Variants in PSG7 observed in about 807,000 individuals in gnomAD.
PSG7 encodes the protein pregnancy specific beta-1-glycoprotein 7, also known as pregnancy-specific beta-1-glycoprotein 7.
In PSG7, 57 loss-of-function variants were observed where a neutral mutation model predicts 45.6. The ratio of observed to expected loss-of-function variants is 1.25; its 90% CI spans 1.01 to 1.56. The LOEUF (loss-of-function observed/expected upper bound fraction) is 1.56. Among genes scored for constraint, PSG7 ranks in the 40% most tolerant of loss-of-function variants. The probability of loss-of-function intolerance (pLI) is 0.00; values close to 1 mark genes in which losing one functional copy is unlikely to be tolerated. For synonymous variants in PSG7, 298 were observed against 194.4 expected, an observed-to-expected ratio of 1.53 and a Z score of -4.43; for missense variants, 796 against 508.4, an observed-to-expected ratio of 1.57 and a Z score of -5.44.
At chr19:42,933,661 T>C (rs1211925712) in intron 2 of PSG7, among the ~76,000 whole-genome samples, 1 of 150,668 alleles carries the variant, frequency 6.6e-6, no homozygotes, top group East Asian at 2.0e-4. Flanking sequence ...GAAGAAGCTG[T>C]GCAGGACAGG....
Position 42,935,652 on chromosome 19 carries a change from T to C in PSG7, c.182A>G (p.Asn61Ser), listed in dbSNP as rs189774968. Reference sequence around the variant, plus strand: ...TTTGTACCAGATGTAGCCAGTAAGATTCTGGGGCAAATTGTGGACAAGTAG... The same window carrying C: ...TTTGTACCAGATGTAGCCAGTAAGACTCTGGGGCAAATTGTGGACAAGTAG... Reference protein sequence around the residue: ...VLLLVHNLPQNLTGYIWYKGQ... With the variant: ...VLLLVHNLPQSLTGYIWYKGQ... The change falls in exon 2 of 6, where the codon AAT becomes AGT. Residue 61 changes from asparagine to serine, a missense_variant. Asn to Ser is a conservative substitution (Grantham distance 46). Coordinates refer to ENST00000406070, the MANE Select transcript of PSG7 (RefSeq NM_002783.3). 6.2e-7 allele frequency: 1 copy of C among 1,612,074 alleles called. No individual in the cohort carries two copies. Among genetic ancestry groups the C allele is most frequent in the East Asian group, 2.2e-5 (1 of 44,772 alleles).
chr19:42,933,441 G>C (rs1175134724), intron 2 of PSG7, among the ~76,000 whole-genome samples: 1 of 147,486 alleles, frequency 6.8e-6, no homozygotes, highest in Admixed American at 6.8e-5. Flanking sequence ...CAAAGTGAAA[G>C]AGCCCTGGAT....
intron 3 of PSG7, among the ~76,000 whole-genome samples, chr19:42,927,822 G>A (rs1287316647): frequency 2.6e-5 from 4 of 151,536 alleles, no homozygotes; most frequent in Non-Finnish European, 5.9e-5. Context: ...AAGATGGGGA[G>A]TTTCTAGAGA....
intron 3 of PSG7, chr19:42,929,074 A>G: frequency 3.1e-6 from 1 of 317,880 alleles, no homozygotes; most frequent in Admixed American, 4.1e-5. Flanking sequence ...CACAGGTGAT[A>G]TTGTCAGAGG....
Position 42,937,038 on chromosome 19 carries a change from T to G in PSG7, c.39A>C (p.Ile13=), listed in dbSNP as rs373960804. 7.5e-4 allele frequency: 1,208 copies of G among 1,611,514 alleles called. 23 individuals are homozygous for G. Among genetic ancestry groups the G allele is most frequent in the Non-Finnish European group, 8.9e-4 (1,045 of 1,178,526 alleles). Reference sequence around the variant, plus strand: ...CTGTGAGCAGGAGCCCTTTCCAGGTTATATGCTGTGTGCAGGGAGGGGCTG... The same window carrying G: ...CTGTGAGCAGGAGCCCTTTCCAGGTGATATGCTGTGTGCAGGGAGGGGCTG... ...PLSAPPCTQH[I]TWKGLLLTAS... is the part of the protein sequence containing the mutation. The change falls in exon 1 of 6, where the codon ATA becomes ATC. Residue 13 remains isoleucine (I), a synonymous_variant. Coordinates refer to ENST00000406070, the MANE Select transcript of PSG7 (RefSeq NM_002783.3).
chr19:42,932,725 C>T (rs1973046731), intron 2 of PSG7, among the ~76,000 whole-genome samples: 1 of 151,464 alleles, frequency 6.6e-6, no homozygotes. Context: ...ATGATAGTTC[C>T]TCCATAAAAC....
intron 3 of PSG7, among the ~76,000 whole-genome samples, chr19:42,928,249 T>A (rs935264405): frequency 5.9e-5 from 9 of 151,628 alleles, no homozygotes; most frequent in Non-Finnish European, 1.3e-4. Flanking sequence ...TTCTCAGTGT[T>A]TTTGTTGTGG....
chr19:42,933,928 A>C (rs1282556464), intron 2 of PSG7, among the ~76,000 whole-genome samples: 1 of 151,368 alleles, frequency 6.6e-6, no homozygotes, highest in Non-Finnish European at 1.5e-5. Flanking sequence ...CAGCCTCCGA[A>C]GGACAAGGGA....
At chr19:42,931,942 T>G (rs1973029366) in intron 2 of PSG7, among the ~76,000 whole-genome samples, 1 of 151,612 alleles carries the variant, frequency 6.6e-6, no homozygotes, top group Non-Finnish European at 1.5e-5. Flanking sequence ...AAGTTTCTAT[T>G]GACACATTCT....
At position 42,931,296 on chromosome 19, in the gene PSG7, G is replaced by A. The variant is rs373157513; in HGVS notation, c.431-1576C>T. 4.9e-4 allele frequency among the ~76,000 whole-genome samples: 75 copies of A among 151,556 alleles called. 2 individuals are homozygous for A. Among genetic ancestry groups the A allele is most frequent in the Non-Finnish European group, 9.3e-4 (63 of 67,900 alleles). On this transcript the variant is annotated intron_variant, in intron 2 of 5. Coordinates refer to ENST00000406070, the MANE Select transcript of PSG7 (RefSeq NM_002783.3). ...GACGAAAATGAGGTTTAGGTGTGCC[G>A]TGAATTCCAGCAGGATCACATTATG... is the stretch of plus-strand genomic sequence containing the variant.
In PSG7 at chr19:42,924,390, AG is replaced by A. The variant is rs2122666126; in HGVS notation, c.*417del. On this transcript the variant is annotated 3_prime_UTR_variant, in exon 6 of 6. Transcript: ENST00000406070. ...ATTTCCTCCTGAGATGTTATGTAAA[AG>A]TCTGAGGTTGAGATGACATATCTGA... 1.1e-5 allele frequency: 5 copies of A among 442,680 alleles called. No individual in the cohort carries two copies. The highest frequency in any genetic ancestry group is 3.8e-5 in the Admixed American group (1 of 26,168). 27.4% of individuals were successfully genotyped at this position (442,680 alleles called of 1,614,324 possible).
At chr19:42,926,262 A>C in intron 4 of PSG7, 176 bp downstream of exon 4, 1 of 1,424,672 alleles carries the variant, frequency 7.0e-7, no homozygotes, top group Non-Finnish European at 9.4e-7. Context: ...TTCTTGGTTA[A>C]GGCTGTGCCT....
At chr19:42,934,491 G>A (rs1275953338) in intron 2 of PSG7, among the ~76,000 whole-genome samples, 1 of 151,574 alleles carries the variant, frequency 6.6e-6, no homozygotes, top group African/African-American at 2.4e-5. Context: ...CTGTGACTCA[G>A]TTTTCTCTCA....
Position 42,935,776 on chromosome 19 carries a change from G to C in PSG7, c.65-7C>G, listed in dbSNP as rs782225134. 4.4e-6 allele frequency: 7 copies of C among 1,605,610 alleles called. 1 individual carries two copies. The South Asian group carries it at 7.8e-5, about 18-fold the overall frequency. On this transcript the variant is annotated splice_region_variant and splice_polypyrimidine_tract_variant and intron_variant, in intron 1 of 5. Coordinates refer to ENST00000406070, the MANE Select transcript of PSG7 (RefSeq NM_002783.3). ...CAGAAGTTTAAAAGTGATGCTAGGA[G>C]GTGGAGAGAGCATCAGTCAATATTG...
At chr19:42,935,191 A>C (rs1973118594) in intron 2 of PSG7, among the ~76,000 whole-genome samples, 1 of 151,898 alleles carries the variant, frequency 6.6e-6, no homozygotes, top group African/African-American at 2.4e-5. Flanking sequence ...CTTCCTCTGC[A>C]GCAAGTTTCT....
chr19:42,926,138 C>A, intron 4 of PSG7, 111 bp from the exon 5 acceptor site: 1 of 1,498,284 alleles, frequency 6.7e-7, no homozygotes, highest in Non-Finnish European at 9.0e-7. Flanking sequence ...CCTCAAGTGA[C>A]AGCCAAATCC....
chr19:42,925,493 T>C (rs1600560576), intron 5 of PSG7: 2 of 890,330 alleles, frequency 2.2e-6, no homozygotes, highest in Admixed American at 6.7e-5. Context: ...TATTTTCAAA[T>C]AAAAATCATA....
At chr19:42,931,878 G>A (rs978771155) in intron 2 of PSG7, among the ~76,000 whole-genome samples, 8 of 147,178 alleles carry the variant, frequency 5.4e-5, no homozygotes, top group African/African-American at 2.0e-4. Flanking sequence ...AAGTTGAAAT[G>A]TTGTTCCACT....
rs529703546 is a variant in PSG7, at chr19:42,926,171, G to T, written c.989-144C>A. 5,430 of 1,443,792 alleles carry T rather than the reference G, an allele frequency of 3.8e-3. 115 individuals carry two copies. Among genetic ancestry groups the T allele is most frequent in the Non-Finnish European group, 4.7e-3 (5,033 of 1,073,096 alleles). 89.4% of individuals were successfully genotyped at this position (1,443,792 alleles called of 1,614,324 possible). ...TCCCCTCTATGTTCACTGAGCCGAAGCCTGAGGTATTCACCTGTTTCTCCC... is the reference window on the plus strand; with the variant it reads ...TCCCCTCTATGTTCACTGAGCCGAATCCTGAGGTATTCACCTGTTTCTCCC... On this transcript the variant is annotated intron_variant, in intron 4 of 5. Transcript: ENST00000406070.
Sources: allele counts gnomAD v4.1 joint callset (sites outside exome capture counted in the v4.1 genomes callset), GRCh38; gene constraint gnomAD v4.1.1; transcripts MANE v1.5; gene names NCBI Gene and HGNC (gene_info 2026-07-23, HGNC 2026-07-21).